Variants in TBC1D22A observed in about 807,000 individuals in gnomAD.
TBC1D22A encodes the protein TBC1 domain family member 22A, also known as putative GTPase activator.
A neutral mutation model predicts 60.2 loss-of-function variants in TBC1D22A; 38 were observed. The observed-to-expected ratio is 0.63, with a 90% confidence interval of 0.49 to 0.83. The LOEUF is 0.83. TBC1D22A is among the 40% of genes least tolerant of loss of function. The pLI, the probability that TBC1D22A is intolerant of heterozygous loss-of-function variation, is 0.00. For missense variants in TBC1D22A, 628 were observed against 701.0 expected (o/e 0.90, Z 1.18); for synonymous variants, 302 against 281.7 (o/e 1.07, Z -0.72).
intron 4 of TBC1D22A, among the ~76,000 whole-genome samples, chr22:46,808,314 T>A (rs2085236329): frequency 6.6e-6 from 1 of 151,914 alleles, no homozygotes; most frequent in Non-Finnish European, 1.5e-5. Context: ...GCCGAGATTG[T>A]GCCATTGCAC....
Position 46,873,757 on chromosome 22 carries a change from C to G in TBC1D22A, c.638-4896C>G, listed in dbSNP as rs192409428. Among the ~76,000 whole-genome samples the G allele has an allele frequency of 7.1e-4, 108 of 152,096 alleles. 1 individual carries two copies. Among genetic ancestry groups the G allele is most frequent in the African/African-American group, 2.4e-3 (100 of 41,500 alleles). On this transcript the variant is annotated intron_variant, in intron 4 of 12. Coordinates refer to ENST00000337137, the MANE Select transcript of TBC1D22A (RefSeq NM_014346.5). ...TTGGTAAGGATAATGACCTCCAGCT[C>G]CATCCATGTCACTGCAAAGGACATA...
chr22:47,060,122 C>T (rs1185653083), intron 11 of TBC1D22A, among the ~76,000 whole-genome samples: 2 of 152,044 alleles, frequency 1.3e-5, no homozygotes, highest in African/African-American at 2.4e-5. Context: ...GTTTTATGCA[C>T]GTGTTGGCTC....
intron 11 of TBC1D22A, among the ~76,000 whole-genome samples, chr22:47,051,390 T>C (rs2063210306): frequency 6.6e-6 from 1 of 152,230 alleles, no homozygotes; most frequent in Admixed American, 6.5e-5. Context: ...TGGAAAATAC[T>C]GTCTTTCCGT....
intron 4 of TBC1D22A, among the ~76,000 whole-genome samples, chr22:46,850,614 C>T (rs1328737641): frequency 1.3e-5 from 2 of 152,152 alleles, no homozygotes; most frequent in Non-Finnish European, 2.9e-5. Context: ...GGAAAAGAGC[C>T]TGAAGGTTCC....
intron 4 of TBC1D22A, among the ~76,000 whole-genome samples, chr22:46,878,434 G>C (rs954915699): frequency 2.2e-5 from 3 of 136,394 alleles, no homozygotes; most frequent in African/African-American, 8.0e-5. Context: ...CCAGGATTCT[G>C]TTGTAAACAG....
chr22:46,896,494 T>A (rs2068684378), intron 7 of TBC1D22A, among the ~76,000 whole-genome samples: 1 of 152,210 alleles, frequency 6.6e-6, no homozygotes, highest in African/African-American at 2.4e-5. Context: ...TGTGTTCAGT[T>A]CATCTGCAGT....
intron 8 of TBC1D22A, among the ~76,000 whole-genome samples, chr22:46,936,253 G>T (rs1456243513): frequency 6.6e-6 from 1 of 152,176 alleles, no homozygotes; most frequent in African/African-American, 2.4e-5. Flanking sequence ...GCCTCAGTGT[G>T]GTGGGTCCTC....
intron 4 of TBC1D22A, among the ~76,000 whole-genome samples, chr22:46,811,611 C>T (rs754486797): frequency 3.3e-5 from 5 of 152,134 alleles, no homozygotes; most frequent in Middle Eastern, 3.2e-3. Flanking sequence ...GCGTGCTGAG[C>T]GCGTTGTGTG....
chr22:46,924,378 T>C (rs2070926468), intron 8 of TBC1D22A, among the ~76,000 whole-genome samples: 1 of 152,232 alleles, frequency 6.6e-6, no homozygotes, highest in South Asian at 2.1e-4. Flanking sequence ...GACTTGATTT[T>C]CTATGTCATT....
intron 10 of TBC1D22A, among the ~76,000 whole-genome samples, chr22:47,019,166 C>A (rs562887527): frequency 6.6e-6 from 1 of 152,340 alleles, no homozygotes; most frequent in East Asian, 1.9e-4. Flanking sequence ...GTTCACTTTC[C>A]GAGTGGCCTC....
chr22:47,033,479 T>C (rs1039832665), intron 10 of TBC1D22A, among the ~76,000 whole-genome samples: 1 of 152,188 alleles, frequency 6.6e-6, no homozygotes, highest in African/African-American at 2.4e-5. Flanking sequence ...CAGACACTCA[T>C]GGATGCTCAG....
intron 4 of TBC1D22A, among the ~76,000 whole-genome samples, chr22:46,798,368 C>G (rs2084748396): frequency 6.6e-6 from 1 of 152,206 alleles, no homozygotes; most frequent in Non-Finnish European, 1.5e-5. Flanking sequence ...TTGCAGTCAT[C>G]AGAGGGTGAC....
chr22:46,797,746 A>C, intron 4 of TBC1D22A, 126 bp downstream of exon 4: 1 of 991,356 alleles, frequency 1.0e-6, no homozygotes, highest in Non-Finnish European at 1.4e-6. Flanking sequence ...TTTGCCTTGC[A>C]GGAAGGTGAT....
intron 1 of TBC1D22A, among the ~76,000 whole-genome samples, chr22:46,765,257 T>G (rs566581174): frequency 6.6e-6 from 1 of 152,280 alleles, no homozygotes; most frequent in East Asian, 1.9e-4. Flanking sequence ...CTCTTTCAGG[T>G]GGCAGGCTGG....
chr22:46,805,973 C>T (rs573454607), intron 4 of TBC1D22A, among the ~76,000 whole-genome samples: 7 of 151,560 alleles, frequency 4.6e-5, no homozygotes, highest in East Asian at 3.9e-4. Flanking sequence ...CTGCCTCAAC[C>T]TCCTGAGTAG....
intron 10 of TBC1D22A, among the ~76,000 whole-genome samples, chr22:47,005,900 A>G (rs1048622755): frequency 1.3e-5 from 2 of 151,034 alleles, no homozygotes; most frequent in South Asian, 4.2e-4. Context: ...ACACACATCT[A>G]TACACAGACA....
intron 12 of TBC1D22A, among the ~76,000 whole-genome samples, chr22:47,167,354 T>C (rs4823608): frequency 0.62 from 94,968 of 152,070 alleles, 29,928 homozygotes; most frequent in East Asian, 0.72. Context: ...TTCAACAACC[T>C]AATAAGGGAG....
chr22:46,955,705 T>C (rs2073152387), intron 8 of TBC1D22A, among the ~76,000 whole-genome samples: 1 of 152,252 alleles, frequency 6.6e-6, no homozygotes, highest in South Asian at 2.1e-4. Context: ...GTTCTATTTT[T>C]GTCTATCAAA....
intron 11 of TBC1D22A, among the ~76,000 whole-genome samples, chr22:47,072,211 C>T (rs566431116): frequency 6.6e-6 from 1 of 152,322 alleles, no homozygotes; most frequent in South Asian, 2.1e-4. Context: ...AGGCTGCCCT[C>T]CTGGGGTGCA....
Sources: gnomAD v4.1 joint callset for allele counts (sites outside exome capture counted in the v4.1 genomes callset) on GRCh38, gnomAD v4.1.1 for gene constraint, MANE v1.5 for transcripts, NCBI Gene and HGNC (gene_info 2026-07-23, HGNC 2026-07-21) for gene names.